Variants in CCDC39 observed in about 807,000 individuals in gnomAD.
CCDC39 encodes coiled-coil domain 39 molecular ruler complex subunit.
A neutral mutation model predicts 121.0 loss-of-function variants in CCDC39; 113 were observed. The ratio of observed to expected loss-of-function variants is 0.93; its 90% confidence interval spans 0.80 to 1.09. The LOEUF (loss-of-function observed/expected upper bound fraction) is 1.09, where lower values mean the gene tolerates loss of function less well. Ranked by LOEUF, CCDC39 falls within the 50% of genes least tolerant of loss-of-function variation. The pLI, the probability that CCDC39 is intolerant of heterozygous loss-of-function variation, is 0.00. For missense variants in CCDC39, 1,063 were observed against 1,074.7 expected (o/e 0.99, Z 0.15); for synonymous variants, 349 against 352.2 (o/e 0.99, Z 0.10).
Position 180,616,710 on chromosome 3 carries a change from TAGTC to T in CCDC39, c.2407-19_2407-16del. On this transcript the variant is annotated splice_polypyrimidine_tract_variant and intron_variant, in intron 17 of 19. Transcript: ENST00000476379. ...AGTTTTGCACACTGTTGGTAAATAA[TAGTC>T]AATTATTCTATAAACGTGTTTACCA... 1 of 1,580,940 alleles carries T rather than the reference TAGTC, an allele frequency of 6.3e-7. No individual in the cohort carries two copies. The highest frequency in any genetic ancestry group is 1.2e-5 in the South Asian group (1 of 86,842).
At chr3:180,663,312 A>C (rs922358227) in intron 2 of CCDC39, among the ~76,000 whole-genome samples, 1 of 152,154 alleles carries the variant, frequency 6.6e-6, no homozygotes, top group Admixed American at 6.5e-5. Flanking sequence ...ATCATTTCTC[A>C]CCACCATCAT....
At chr3:180,631,390 T>C in intron 14 of CCDC39, 79 bp downstream of exon 14, 1 of 1,330,270 alleles carries the variant, frequency 7.5e-7, no homozygotes, top group Non-Finnish European at 1.0e-6. Flanking sequence ...TGTTTTTTTA[T>C]TTAAATTCAG....
intron 9 of CCDC39, among the ~76,000 whole-genome samples, chr3:180,650,793 G>A (rs1419971969): frequency 6.6e-6 from 1 of 152,060 alleles, no homozygotes; most frequent in Non-Finnish European, 1.5e-5. Flanking sequence ...TGAGGTGGAG[G>A]TTGTAGTGAG....
intron 1 of CCDC39, among the ~76,000 whole-genome samples, chr3:180,671,963 A>G (rs910110441): frequency 1.4e-4 from 21 of 152,230 alleles, no homozygotes; most frequent in African/African-American, 5.1e-4. Context: ...TGGCTACACC[A>G]AACAACAGAT....
At chr3:180,637,921 G>T (rs529346299) in intron 13 of CCDC39, among the ~76,000 whole-genome samples, 2 of 152,238 alleles carry the variant, frequency 1.3e-5, no homozygotes, top group East Asian at 3.9e-4. Context: ...ATTGGGACCT[G>T]TTGGTGGGTG....
intron 13 of CCDC39, among the ~76,000 whole-genome samples, chr3:180,637,315 T>C (rs1213590353): frequency 2.0e-5 from 3 of 151,858 alleles, no homozygotes; most frequent in Admixed American, 6.6e-5. Context: ...AAAAAGCATA[T>C]GAAAAAAAGC....
intron 1 of CCDC39, among the ~76,000 whole-genome samples, chr3:180,668,659 T>C (rs2108433247): frequency 6.6e-6 from 1 of 152,312 alleles, no homozygotes; most frequent in South Asian, 2.1e-4. Flanking sequence ...TTTCTATTTG[T>C]TGTTTATTTA....
intron 6 of CCDC39, among the ~76,000 whole-genome samples, chr3:180,658,180 A>T (rs1399017334): frequency 2.0e-5 from 3 of 151,502 alleles, no homozygotes; most frequent in Admixed American, 2.0e-4. Context: ...CAGAGATTGC[A>T]GTGAGCTGAG....
intron 2 of CCDC39, among the ~76,000 whole-genome samples, chr3:180,663,331 T>C (rs2108430765): frequency 6.6e-6 from 1 of 152,294 alleles, no homozygotes; most frequent in South Asian, 2.1e-4. Context: ...ATTGTACCTT[T>C]CTCAAATAAC....
intron 9 of CCDC39, among the ~76,000 whole-genome samples, chr3:180,650,414 G>T (rs1718171884): frequency 6.6e-6 from 1 of 152,114 alleles, no homozygotes; most frequent in Non-Finnish European, 1.5e-5. Flanking sequence ...AAAAAACAGT[G>T]ATAATCATGT....
rs1164781857 is a variant in CCDC39, at chr3:180,647,149, T to TC, written c.1456dup (p.Glu486GlyfsTer3). ...TTTCTCTTCCAAAGACTTCCTAAGTTCAACAATTTTTGCTTCAAGCGCTTG... is the reference window on the plus strand; with the variant it reads ...TTTCTCTTCCAAAGACTTCCTAAGTTCCAACAATTTTTGCTTCAAGCGCTTG... On this transcript the variant is annotated frameshift_variant, in exon 11 of 20. Transcript: ENST00000476379. LOFTEE classifies it high-confidence loss of function. The TC allele has an allele frequency of 6.2e-7, 1 of 1,612,180 alleles. No homozygotes were observed. The highest frequency in any genetic ancestry group is 1.7e-5 in the Admixed American group (1 of 59,870).
chr3:180,660,552 C>A lies in CCDC39; in HGVS notation c.516+18G>T. ...AGAGTTAGAGAAAACCTAACAGTTACAATTTGTAATTTCTCACCCTGATTT... is the reference window on the plus strand; with the variant it reads ...AGAGTTAGAGAAAACCTAACAGTTAAAATTTGTAATTTCTCACCCTGATTT... On this transcript the variant is annotated intron_variant, in intron 4 of 19. Coordinates refer to ENST00000476379, the MANE Select transcript of CCDC39 (RefSeq NM_181426.2). 6.5e-7 allele frequency: 1 copy of A among 1,549,772 alleles called. No individual in the cohort carries two copies. The highest frequency in any genetic ancestry group is 8.8e-7 in the Non-Finnish European group (1 of 1,141,424).
intron 1 of CCDC39, among the ~76,000 whole-genome samples, chr3:180,674,275 T>A (rs573378927): frequency 0.019 from 2,878 of 152,278 alleles, 30 homozygotes; most frequent in African/African-American, 0.034. Context: ...TTTGGCTCTC[T>A]GTTTGTCTGT....
At chr3:180,633,090 C>A (rs1381709279) in intron 13 of CCDC39, among the ~76,000 whole-genome samples, 2 of 152,156 alleles carry the variant, frequency 1.3e-5, no homozygotes, top group Admixed American at 1.3e-4. Context: ...ACCATGAAAT[C>A]CTAACCCTGC....
chr3:180,667,176 CCAGT>C (rs1158416469), intron 1 of CCDC39, among the ~76,000 whole-genome samples: 2 of 151,982 alleles, frequency 1.3e-5, no homozygotes, highest in Non-Finnish European at 2.9e-5. Flanking sequence ...AGTCTTCTAC[CCAGT>C]CAAACTACCA....
intron 1 of CCDC39, among the ~76,000 whole-genome samples, chr3:180,674,437 G>T (rs1047141224): frequency 6.6e-6 from 1 of 152,178 alleles, no homozygotes; most frequent in Admixed American, 6.5e-5. Flanking sequence ...GGGACAATTT[G>T]ACTTCCTCTT....
intron 12 of CCDC39, 67 bp from the exon 13 acceptor site, chr3:180,642,268 T>C: frequency 1.0e-6 from 1 of 963,964 alleles, no homozygotes; most frequent in Non-Finnish European, 1.5e-6. Context: ...ATTTTTTTTA[T>C]TGCTATATAA....
At chr3:180,653,031 T>C (rs1030133636) in intron 7 of CCDC39, among the ~76,000 whole-genome samples, 1 of 152,176 alleles carries the variant, frequency 6.6e-6, no homozygotes, top group Non-Finnish European at 1.5e-5. Flanking sequence ...CCTGTGTTCA[T>C]GGATTGGAAG....
chr3:180,619,914 G>A lies in CCDC39; in HGVS notation c.2055C>T (p.Ile685=), dbSNP rs988316404. ...QREGDCLDAK[I]NKAEKEIYAL... ...CGTAGATTTCTTTTTCAGCTTTGTT[G>A]ATCTTGGCATCCAAACAGTCACCTT... The change falls in exon 15 of 20, where the codon ATC becomes ATT. Residue 685 remains isoleucine, a synonymous_variant. Transcript: ENST00000476379. 1.2e-6 allele frequency: 2 copies of A among 1,608,400 alleles called. No homozygotes were observed. Among genetic ancestry groups the A allele is most frequent in the Non-Finnish European group, 8.5e-7 (1 of 1,177,206 alleles).
Sources: allele counts gnomAD v4.1 joint callset (sites outside exome capture counted in the v4.1 genomes callset), GRCh38; gene constraint gnomAD v4.1.1; transcripts MANE v1.5; gene names NCBI Gene and HGNC (gene_info 2026-07-23, HGNC 2026-07-21).